Variants in SGCZ observed in about 807,000 individuals in gnomAD.
SGCZ encodes the protein sarcoglycan zeta.
SGCZ carries 40 observed loss-of-function variants against 41.3 expected under a neutral mutation model. That is an observed-to-expected ratio of 0.97 (90% confidence interval 0.75 to 1.26). SGCZ has a LOEUF of 1.26. Among genes scored for constraint, SGCZ ranks in the 50% most tolerant of loss-of-function variants. SGCZ has a pLI of 0.00. For missense variants in SGCZ, 552 were observed against 369.8 expected, an observed-to-expected ratio of 1.49 and a Z score of -4.04; for synonymous variants, 206 against 137.5, an observed-to-expected ratio of 1.50 and a Z score of -3.49.
intron 3 of SGCZ, among the ~76,000 whole-genome samples, chr8:14,307,845 T>C (rs1156348834): frequency 1.3e-5 from 2 of 152,112 alleles, no homozygotes; most frequent in Admixed American, 6.6e-5. Context: ...TTTAGCAATG[T>C]GGTAAAACAA....
intron 1 of SGCZ, among the ~76,000 whole-genome samples, chr8:14,857,008 G>A (rs1585322800): frequency 1.3e-5 from 2 of 152,124 alleles, no homozygotes. Context: ...GAGGGGCCTG[G>A]AGGAAGGTGA....
chr8:14,738,574 G>C (rs925988184), intron 1 of SGCZ, among the ~76,000 whole-genome samples: 1 of 152,020 alleles, frequency 6.6e-6, no homozygotes, highest in East Asian at 1.9e-4. Context: ...TTACCATTCT[G>C]ATACACCACT....
At chr8:14,825,375 A>C (rs1003898522) in intron 1 of SGCZ, among the ~76,000 whole-genome samples, 2 of 152,192 alleles carry the variant, frequency 1.3e-5, no homozygotes, top group Non-Finnish European at 2.9e-5. Flanking sequence ...ATGTGCTTAG[A>C]TTTATAGTAA....
chr8:14,301,722 G>A (rs1801197436), intron 3 of SGCZ, among the ~76,000 whole-genome samples: 1 of 152,110 alleles, frequency 6.6e-6, no homozygotes, highest in African/African-American at 2.4e-5. Flanking sequence ...AAGACAGTGA[G>A]AAGAATAACT....
intron 2 of SGCZ, among the ~76,000 whole-genome samples, chr8:14,442,032 T>G (rs970153497): frequency 2.6e-5 from 4 of 152,220 alleles, no homozygotes; most frequent in Non-Finnish European, 5.9e-5. Context: ...TAACACTGAG[T>G]AAACTGCCCA....
chr8:15,227,790 A>C (rs1450353109), intron 1 of SGCZ, among the ~76,000 whole-genome samples: 1 of 152,240 alleles, frequency 6.6e-6, no homozygotes, highest in Non-Finnish European at 1.5e-5. Flanking sequence ...ATAGGCACAG[A>C]GTTTACAAAT....
At chr8:14,392,182 AC>A (rs1400354800) in intron 2 of SGCZ, among the ~76,000 whole-genome samples, 1 of 152,212 alleles carries the variant, frequency 6.6e-6, no homozygotes, top group Non-Finnish European at 1.5e-5. Context: ...AATAATAGCT[AC>A]ACTTTAATGC....
At chr8:14,509,245 C>T (rs1041426383) in intron 2 of SGCZ, among the ~76,000 whole-genome samples, 2 of 152,062 alleles carry the variant, frequency 1.3e-5, no homozygotes, top group Non-Finnish European at 2.9e-5. Context: ...TAAGATTGTA[C>T]AACCCTTGTT....
chr8:14,363,004 C>T (rs935817458), intron 2 of SGCZ, among the ~76,000 whole-genome samples: 6 of 151,958 alleles, frequency 3.9e-5, no homozygotes, highest in African/African-American at 1.2e-4. Flanking sequence ...AAATTTCTTA[C>T]GTTGCTCAAT....
chr8:14,584,031 A>T (rs890559471), intron 1 of SGCZ, among the ~76,000 whole-genome samples: 1 of 152,084 alleles, frequency 6.6e-6, no homozygotes, highest in East Asian at 1.9e-4. Context: ...TCTGTTATGG[A>T]TGCAAGAATA....
intron 3 of SGCZ, among the ~76,000 whole-genome samples, chr8:14,281,695 A>T (rs1800446518): frequency 6.6e-6 from 1 of 152,080 alleles, no homozygotes; most frequent in African/African-American, 2.4e-5. Flanking sequence ...TCTGAATTTA[A>T]AACATTTAAT....
chr8:14,829,438 T>G (rs765954395), intron 1 of SGCZ, among the ~76,000 whole-genome samples: 2 of 152,358 alleles, frequency 1.3e-5, no homozygotes, highest in Admixed American at 1.3e-4. Flanking sequence ...TTTCTTTATC[T>G]TTTAATTCAA....
At chr8:14,410,309 C>T (rs756120607) in intron 2 of SGCZ, among the ~76,000 whole-genome samples, 26 of 151,644 alleles carry the variant, frequency 1.7e-4, no homozygotes, top group Non-Finnish European at 2.6e-4. Context: ...TTATAAGACA[C>T]TGGTCTTAAT....
At chr8:14,589,752 A>G (rs948877190) in intron 1 of SGCZ, among the ~76,000 whole-genome samples, 6 of 152,192 alleles carry the variant, frequency 3.9e-5, no homozygotes, top group Non-Finnish European at 7.4e-5. Flanking sequence ...AACACACAGC[A>G]CAAACTATTC....
chr8:14,353,469 G>T, intron 2 of SGCZ, among the ~76,000 whole-genome samples: 1 of 151,952 alleles, frequency 6.6e-6, no homozygotes, highest in East Asian at 1.9e-4. Flanking sequence ...CCACTGGACA[G>T]CTCCACTCTG....
chr8:14,385,663 G>A (rs900401329), intron 2 of SGCZ, among the ~76,000 whole-genome samples: 1 of 152,000 alleles, frequency 6.6e-6, no homozygotes, highest in Admixed American at 6.6e-5. Context: ...ATACTATGAG[G>A]TAAATCAAAA....
chr8:14,961,507 A>G (rs1415740772), intron 1 of SGCZ, among the ~76,000 whole-genome samples: 1 of 152,074 alleles, frequency 6.6e-6, no homozygotes, highest in African/African-American at 2.4e-5. Flanking sequence ...CATTCACATA[A>G]TTTTTATCAC....
At chr8:14,622,845 T>C (rs531339223) in intron 1 of SGCZ, among the ~76,000 whole-genome samples, 6 of 152,348 alleles carry the variant, frequency 3.9e-5, no homozygotes, top group African/African-American at 9.6e-5. Flanking sequence ...ATATAGTTAG[T>C]TCAATAAAAT....
chr8:14,173,135 T>G (rs1804438425), intron 4 of SGCZ, among the ~76,000 whole-genome samples: 1 of 151,914 alleles, frequency 6.6e-6, no homozygotes, highest in Admixed American at 6.6e-5. Flanking sequence ...AGGAGCAAGC[T>G]GATATGCTAA....
Sources: allele counts gnomAD v4.1 joint callset (sites outside exome capture counted in the v4.1 genomes callset), GRCh38; gene constraint gnomAD v4.1.1; transcripts MANE v1.5; gene names NCBI Gene and HGNC (gene_info 2026-07-23, HGNC 2026-07-21).